Variants in C5orf34 observed in about 807,000 individuals in gnomAD.
The protein encoded by C5orf34 is chromosome 5 open reading frame 34.
In C5orf34, 73 loss-of-function variants were observed where a neutral mutation model predicts 78.4. The ratio of observed to expected loss-of-function variants is 0.93; its 90% CI spans 0.77 to 1.13. C5orf34 has a LOEUF of 1.13. Ranked by LOEUF, C5orf34 falls within the 50% of genes most tolerant of loss-of-function variation. The pLI is 0.00. For synonymous variants in C5orf34, 251 were observed against 246.6 expected, an observed-to-expected ratio of 1.02 and a Z score of -0.17; for missense variants, 730 against 732.7, an observed-to-expected ratio of 1.00 and a Z score of 0.04.
intron 6 of C5orf34, 122 bp downstream of exon 6, chr5:43,502,250 C>A (rs1031038989): frequency 2.0e-5 from 19 of 930,606 alleles, no homozygotes; most frequent in Non-Finnish European, 3.2e-5. Context: ...TATATTAATA[C>A]TCCAGACTGG....
At chr5:43,491,137 CCTG>C (rs1172903787) in intron 10 of C5orf34, among the ~76,000 whole-genome samples, 1 of 152,136 alleles carries the variant, frequency 6.6e-6, no homozygotes, top group Non-Finnish European at 1.5e-5. Context: ...CCAAAAAACA[CCTG>C]CTAATGCATA....
chr5:43,504,774 C>T (rs1745909610), intron 4 of C5orf34, among the ~76,000 whole-genome samples: 1 of 152,210 alleles, frequency 6.6e-6, no homozygotes, highest in Admixed American at 6.5e-5. Flanking sequence ...GGATTTCAAC[C>T]TAAACATCAT....
chr5:43,512,760 C>CTTTTTTTTT (rs58813772), intron 1 of C5orf34, among the ~76,000 whole-genome samples: 3 of 72,896 alleles, frequency 4.1e-5, no homozygotes, highest in African/African-American at 1.6e-4. Context: ...CCCACCTTGT[C>CTTTTTTTTT]TTTTTTTTTT....
intron 3 of C5orf34, among the ~76,000 whole-genome samples, chr5:43,507,123 T>C (rs888132949): frequency 6.6e-6 from 1 of 152,160 alleles, no homozygotes; most frequent in African/African-American, 2.4e-5. Flanking sequence ...TCAGGAGGCT[T>C]AGAGGAAACT....
Position 43,492,288 on chromosome 5 carries a change from CTAAGT to C in C5orf34, c.1502_1506del (p.Asn501ArgfsTer4), listed in dbSNP as rs780223026. ...TCAGGAAAAGTTAACTTACACCAAC[CTAAGT>C]TAAGACCTTGATTTACCTGAAGAAG... On this transcript the variant is annotated frameshift_variant, in exon 10 of 13. Coordinates refer to ENST00000306862, the MANE Select transcript of C5orf34 (RefSeq NM_198566.4). LOFTEE classifies it high-confidence loss of function. 1.2e-6 allele frequency: 2 copies of C among 1,608,690 alleles called. No individual in the cohort carries two copies. Among genetic ancestry groups the C allele is most frequent in the Admixed American group, 1.7e-5 (1 of 59,892 alleles).
At position 43,486,976 on chromosome 5, in the gene C5orf34, A is replaced by C. The variant is rs1745094756; in HGVS notation, c.1856T>G (p.Leu619Trp). 1 of 1,569,232 alleles carries C rather than the reference A, an allele frequency of 6.4e-7. No homozygotes were observed. The highest frequency in any genetic ancestry group is 1.4e-5 in the African/African-American group (1 of 72,258). ...EVNENRVSIA[L>W]KKTSEILHDI... Reference sequence around the variant, plus strand: ...GTGAAGGATTTCAGAGGTTTTTTTCAATGCTATTGATACTCTATTTTCATT... The same window carrying C: ...GTGAAGGATTTCAGAGGTTTTTTTCCATGCTATTGATACTCTATTTTCATT... The change falls in exon 13 of 13, where the codon TTG becomes TGG. Residue 619 changes from leucine (L) to tryptophan (W), a missense_variant. By Grantham distance (61) the Leu-to-Trp change is moderately conservative. Coordinates refer to ENST00000306862, the MANE Select transcript of C5orf34 (RefSeq NM_198566.4).
chr5:43,493,456 A>G (rs1209351644), intron 8 of C5orf34, 87 bp downstream of exon 8: 1 of 778,386 alleles, frequency 1.3e-6, no homozygotes, highest in Non-Finnish European at 2.1e-6. Context: ...CACATGACTT[A>G]GAGGAAAACT....
intron 9 of C5orf34, 85 bp from the exon 10 acceptor site, chr5:43,492,394 G>T (rs1331322399): frequency 2.4e-6 from 2 of 847,662 alleles, no homozygotes; most frequent in African/African-American, 3.4e-5. Context: ...TTAACTTAAA[G>T]AAATAAGTAG....
In C5orf34 at chr5:43,491,324, T is replaced by C. The variant is rs556265429; in HGVS notation, c.1581-595A>G. Among the ~76,000 whole-genome samples, 51 of 152,226 alleles carry C rather than the reference T, an allele frequency of 3.4e-4. 1 individual carries two copies. The highest frequency in any genetic ancestry group is 5.2e-4 in the Admixed American group (8 of 15,292). On this transcript the variant is annotated intron_variant, in intron 10 of 12. Transcript: ENST00000306862. ...TCATTAATAGCAATGAATGAGCACT[T>C]AGACTGAAACACAATAAAACCCAAC...
At chr5:43,502,849 C>T (rs571243772) in intron 5 of C5orf34, among the ~76,000 whole-genome samples, 2 of 152,136 alleles carry the variant, frequency 1.3e-5, no homozygotes, top group Non-Finnish European at 2.9e-5. Context: ...ACAACATTTC[C>T]AGAACCTGAA....
In C5orf34 at chr5:43,508,617, G is replaced by C. The variant is rs770111692; in HGVS notation, c.245C>G (p.Pro82Arg). Residue 82 changes from proline (P) to arginine (R), a missense_variant, in exon 3 of 13, where the codon CCT (proline) becomes CGT (arginine). Physicochemically the swap from Pro to Arg is moderately radical, Grantham distance 103 (BLOSUM62 -2). Transcript: ENST00000306862. ...LDFRNSSATC[P>R]FLSETIIPSE... ...AGGTATGATGGTTTCAGATAAAAAA[G>C]GGCAAGTAGCTGAAGAGTTTCGAAA... 6.2e-7 allele frequency: 1 copy of C among 1,611,764 alleles called. No individual in the cohort carries two copies. The highest frequency in any genetic ancestry group is 1.3e-5 in the African/African-American group (1 of 74,832).
chr5:43,497,959 T>C (rs1195379869), intron 6 of C5orf34, among the ~76,000 whole-genome samples: 11 of 152,180 alleles, frequency 7.2e-5, no homozygotes, highest in Non-Finnish European at 4.4e-5. Flanking sequence ...AGCACCTCCC[T>C]TTGCCTAGCT....
Position 43,502,394 on chromosome 5 carries a change from G to C in C5orf34, c.1130C>G (p.Ser377Cys). 6.2e-7 allele frequency: 1 copy of C among 1,611,634 alleles called. No individual in the cohort carries two copies. The highest frequency in any genetic ancestry group is 8.5e-7 in the Non-Finnish European group (1 of 1,178,864). ...TACCTTTCCTGATCCTTCTTGAATA[G>C]AATAATAAGTAAAATAGTTCCCAAA... ...AYFGNYFTYY[S>C]IQEGSGKREE... Residue 377 changes from serine (S) to cysteine (C), a missense_variant, in exon 6 of 13, where the codon TCT becomes TGT. Ser to Cys is a moderately radical substitution (Grantham distance 112). Coordinates refer to ENST00000306862, the MANE Select transcript of C5orf34 (RefSeq NM_198566.4).
chr5:43,491,719 G>C (rs1470403265), intron 10 of C5orf34, among the ~76,000 whole-genome samples: 2 of 152,132 alleles, frequency 1.3e-5, no homozygotes, highest in Non-Finnish European at 2.9e-5. Context: ...AAGCTGACCT[G>C]AAGGCCGGGC....
intron 11 of C5orf34, 113 bp from the exon 12 acceptor site, chr5:43,488,062 G>A (rs1370509811): frequency 1.4e-5 from 10 of 723,078 alleles, no homozygotes; most frequent in East Asian, 2.7e-5. Flanking sequence ...ACGGAAGAAC[G>A]CAGAAGAATT....
chr5:43,495,298 C>T, intron 6 of C5orf34: 1 of 1,610,330 alleles, frequency 6.2e-7, no homozygotes, highest in African/African-American at 1.3e-5. Context: ...GGCCATCTTC[C>T]AGCTTTTTAC....
At position 43,509,263 on chromosome 5, in the gene C5orf34, T is replaced by G; in HGVS notation, c.77A>C (p.Gln26Pro). 1 of 1,614,066 alleles carries G rather than the reference T, an allele frequency of 6.2e-7. No homozygotes were observed. The change falls in exon 2 of 13, where the codon CAA becomes CCA. Residue 26 changes from glutamine to proline, a missense_variant. Physicochemically the swap from Gln to Pro is moderately conservative, Grantham distance 76. Transcript: ENST00000306862. ...AAATTCAGAGCCACAGGGAGAAAGTTGCAATGTGGAACCATCAACATATTG... is the reference window on the plus strand; with the variant it reads ...AAATTCAGAGCCACAGGGAGAAAGTGGCAATGTGGAACCATCAACATATTG... ...QVQYVDGSTLQLSPCGSEFLF... is the reference protein window; with the variant it reads ...QVQYVDGSTLPLSPCGSEFLF...
rs753170217 is a variant in C5orf34, at chr5:43,487,921, GTA to G, written c.1706_1707del (p.Ile569ThrfsTer4). Reference sequence around the variant, plus strand: ...GTTTAAAGGATACAGTTAAACTTCTGTATCTTTTCAAGTTCAGAAGCAACAGA... The same window carrying G: ...GTTTAAAGGATACAGTTAAACTTCTGTCTTTTCAAGTTCAGAAGCAACAGA... ...NWSVASELEK[I>X]QKFNLLLENS... On this transcript the variant is annotated frameshift_variant, in exon 12 of 13. Transcript: ENST00000306862. LOFTEE classifies it high-confidence loss of function. 3.9e-5 allele frequency: 62 copies of G among 1,604,778 alleles called. No homozygotes were observed. Among genetic ancestry groups the G allele is most frequent in the Non-Finnish European group, 4.9e-5 (57 of 1,173,914 alleles).
At position 43,509,270 on chromosome 5, in the gene C5orf34, T is replaced by C. The variant is rs768315879; in HGVS notation, c.70A>G (p.Thr24Ala). The C allele has an allele frequency of 1.2e-5, 19 of 1,614,090 alleles. No homozygotes were observed. In the South Asian group the frequency reaches 1.2e-4, roughly 10 times the overall value. Residue 24 changes from threonine (T) to alanine (A), a missense_variant, in exon 2 of 13, where the codon ACA becomes GCA. Coordinates refer to ENST00000306862, the MANE Select transcript of C5orf34 (RefSeq NM_198566.4). ...GAGCCACAGGGAGAAAGTTGCAATG[T>C]GGAACCATCAACATATTGTACTTGT... Reference protein sequence around the residue: ...SVQVQYVDGSTLQLSPCGSEF... With the variant: ...SVQVQYVDGSALQLSPCGSEF...
Sources: gnomAD v4.1 joint callset for allele counts (sites outside exome capture counted in the v4.1 genomes callset) on GRCh38, gnomAD v4.1.1 for gene constraint, MANE v1.5 for transcripts, NCBI Gene and HGNC (gene_info 2026-07-23, HGNC 2026-07-21) for gene names.